The following SLC16A1 variants were observed in gnomAD, a reference collection of about 807,000 sequenced individuals.
The protein encoded by SLC16A1 is solute carrier family 16 member 1, also known as monocarboxylate transporter 1.
SLC16A1 carries 11 observed loss-of-function variants against 32.2 expected under a neutral mutation model. That is an observed-to-expected ratio of 0.34 (90% CI 0.21 to 0.56). The LOEUF is 0.56. Ranked by LOEUF, SLC16A1 falls within the 20% of genes least tolerant of loss-of-function variation. The pLI is 0.87. For missense variants in SLC16A1, 435 were observed against 615.0 expected, an observed-to-expected ratio of 0.71 and a Z score of 3.10; for synonymous variants, 231 against 226.8, an observed-to-expected ratio of 1.02 and a Z score of -0.17.
At position 112,946,642 on chromosome 1, in the gene SLC16A1, CCCTCGG is replaced by C. The variant is rs758195173; in HGVS notation, c.-45+9387_-45+9392del. ...TATCTCGGCTCACTGCAACCTCCGCCCCTCGGGCTCAAGCAATTCTCCTGCCTCAGC... is the reference window on the plus strand; with the variant it reads ...TATCTCGGCTCACTGCAACCTCCGCCGCTCAAGCAATTCTCCTGCCTCAGC... On this transcript the variant is annotated intron_variant, in intron 1 of 4. Coordinates refer to ENST00000369626, the MANE Select transcript of SLC16A1 (RefSeq NM_003051.4). Among the ~76,000 whole-genome samples the C allele has an allele frequency of 1.2e-4, 19 of 152,292 alleles. No individual in the cohort carries two copies. The East Asian group carries it at 3.5e-3, about 28-fold the overall frequency.
intron 1 of SLC16A1, among the ~76,000 whole-genome samples, chr1:112,946,531 A>G (rs1460047371): frequency 1.3e-5 from 2 of 152,132 alleles, no homozygotes; most frequent in Non-Finnish European, 2.9e-5. Flanking sequence ...AAGAAGCAGA[A>G]AAGTTTTTGT....
At position 112,917,824 on chromosome 1, in the gene SLC16A1, G is replaced by A; in HGVS notation, c.582C>T (p.Leu194=). ...TTGGCTTGGGCCCGATTGGTCGCAT[G>A]AGGGCTCCAGCAACACAGCAGTTTA... ...LLLNCCVAGA[L]MRPIGPKPTK... is the part of the protein sequence containing the mutation. Residue 194 remains leucine (L), a synonymous_variant, in exon 4 of 5, where the codon CTC becomes CTT. Coordinates refer to ENST00000369626, the MANE Select transcript of SLC16A1 (RefSeq NM_003051.4). This position sits in a 1 kb window ranked among gnomAD's most constrained non-coding sequence, Gnocchi z 4.1. 1 of 1,614,130 alleles carries A rather than the reference G, an allele frequency of 6.2e-7. No homozygotes were observed. Among genetic ancestry groups the A allele is most frequent in the Non-Finnish European group, 8.5e-7 (1 of 1,180,018 alleles).
intron 1 of SLC16A1, among the ~76,000 whole-genome samples, chr1:112,940,418 C>CA (rs1649469186): frequency 1.3e-5 from 2 of 151,874 alleles, no homozygotes; most frequent in African/African-American, 4.8e-5. Flanking sequence ...TTGAAGGATC[C>CA]AAAAAAACCA....
chr1:112,947,212 A>C (rs578238573), intron 1 of SLC16A1, among the ~76,000 whole-genome samples: 1 of 152,362 alleles, frequency 6.6e-6, no homozygotes, highest in South Asian at 2.1e-4. Context: ...TATATTCAAC[A>C]AATCGATATC....
At position 112,912,819 on chromosome 1, in the gene SLC16A1, C is replaced by CA. The variant is rs940312896; in HGVS notation, c.*1071dup. On this transcript the variant is annotated 3_prime_UTR_variant, in exon 5 of 5. Coordinates refer to ENST00000369626, the MANE Select transcript of SLC16A1 (RefSeq NM_003051.4). ...TTTGCAAACCTTAAAAAAAAAAAAA[C>CA]AAAAAAACAAAAACACCAAACACAC... The CA allele has an allele frequency of 2.1e-5, 3 of 142,972 alleles. No individual in the cohort carries two copies. Among genetic ancestry groups the CA allele is most frequent in the African/African-American group, 5.1e-5 (2 of 38,840 alleles). 8.9% of individuals were successfully genotyped at this position (142,972 alleles called of 1,614,324 possible).
chr1:112,953,239 G>T (rs1649960897), intron 1 of SLC16A1, among the ~76,000 whole-genome samples: 1 of 140,346 alleles, frequency 7.1e-6, no homozygotes, highest in Admixed American at 7.9e-5. Context: ...AGTTTTCATT[G>T]CAGCCTCCAC....
rs946188241 is a variant in SLC16A1 at position 112,912,853 on chromosome 1, C to T, written c.*1038G>A. On this transcript the variant is annotated 3_prime_UTR_variant, in exon 5 of 5. Coordinates refer to ENST00000369626, the MANE Select transcript of SLC16A1 (RefSeq NM_003051.4). ...AAAAACACCAAACACACACATATCT[C>T]ACACATAGCACTAAGCTAGAAGCAG... 1 of 150,882 alleles carries T rather than the reference C, an allele frequency of 6.6e-6. No individual in the cohort carries two copies. Among genetic ancestry groups the T allele is most frequent in the Admixed American group, 6.6e-5 (1 of 15,158 alleles). The allele number at this position is 150,882 out of a possible 1,614,324, so 9.3% of individuals were successfully genotyped here. A position where few individuals can be genotyped will look rare whatever the true frequency, so the allele number is the denominator to read the frequency against.
At chr1:112,943,506 G>A (rs1296392443) in intron 1 of SLC16A1, among the ~76,000 whole-genome samples, 3 of 152,064 alleles carry the variant, frequency 2.0e-5, no homozygotes, top group South Asian at 2.1e-4. Context: ...ATTGCAAACC[G>A]GCTGGGCGCA....
intron 1 of SLC16A1, among the ~76,000 whole-genome samples, chr1:112,936,746 GAAAAGA>G (rs1024499769): frequency 1.3e-5 from 2 of 152,038 alleles, no homozygotes; most frequent in African/African-American, 4.8e-5. Flanking sequence ...ACTCAAGTTG[GAAAAGA>G]AAAAGTAGAG....
chr1:112,953,701 C>G (rs1203190704), intron 1 of SLC16A1, among the ~76,000 whole-genome samples: 1 of 152,144 alleles, frequency 6.6e-6, no homozygotes, highest in African/African-American at 2.4e-5. Flanking sequence ...ACACCCTGTA[C>G]TCTTGAGTGT....
intron 1 of SLC16A1, among the ~76,000 whole-genome samples, chr1:112,945,707 T>A (rs1649678763): frequency 6.7e-6 from 1 of 148,732 alleles, no homozygotes; most frequent in Non-Finnish European, 1.5e-5. Flanking sequence ...AATTACCTAC[T>A]GTTGTCCAGG....
intron 1 of SLC16A1, among the ~76,000 whole-genome samples, chr1:112,952,533 T>C (rs1649931568): frequency 6.6e-6 from 1 of 152,212 alleles, no homozygotes; most frequent in African/African-American, 2.4e-5. Flanking sequence ...TGTTAATTTT[T>C]AAAGGTAGGG....
At chr1:112,931,527 T>G (rs1343264441) in intron 1 of SLC16A1, among the ~76,000 whole-genome samples, 1 of 150,052 alleles carries the variant, frequency 6.7e-6, no homozygotes, top group African/African-American at 2.5e-5. Context: ...GCGACTGTAG[T>G]CCCAACTACT....
rs201371933 is a variant in SLC16A1 at position 112,928,537 on chromosome 1, C to CA, written c.217+554dup. Reference sequence around the variant, plus strand: ...TTCCAACATTTCCTTTACAATATGCCAAAAAAAACAAAAGAGAAATAAATG... The same window carrying CA: ...TTCCAACATTTCCTTTACAATATGCCAAAAAAAAACAAAAGAGAAATAAATG... On this transcript the variant is annotated intron_variant, in intron 2 of 4. Transcript: ENST00000369626. Among the ~76,000 whole-genome samples, 560 of 150,988 alleles carry CA rather than the reference C, an allele frequency of 3.7e-3. 5 individuals carry two copies. Among genetic ancestry groups the CA allele is most frequent in the South Asian group, 0.027 (130 of 4,754 alleles).
intron 1 of SLC16A1, among the ~76,000 whole-genome samples, chr1:112,953,697 TG>T (rs1247123843): frequency 6.6e-6 from 1 of 152,212 alleles, no homozygotes; most frequent in Non-Finnish European, 1.5e-5. Flanking sequence ...CATTACACCC[TG>T]TACTCTTGAG....
intron 1 of SLC16A1, among the ~76,000 whole-genome samples, chr1:112,941,431 T>G (rs1172011351): frequency 6.6e-6 from 1 of 151,774 alleles, no homozygotes. Context: ...ACAGGCATGC[T>G]GCCACCACAC....
At chr1:112,923,728 C>A (rs1648825384) in intron 2 of SLC16A1, 3 of 1,534,632 alleles carry the variant, frequency 2.0e-6, no homozygotes, top group African/African-American at 2.7e-5. Context: ...ACACTGAGTG[C>A]CTGCCACCAG....
intron 1 of SLC16A1, among the ~76,000 whole-genome samples, chr1:112,954,366 C>G (rs1414682669): frequency 2.0e-5 from 3 of 152,182 alleles, no homozygotes; most frequent in African/African-American, 4.8e-5. Flanking sequence ...ATAGTTCCCA[C>G]CAAACCATAA....
At chr1:112,933,770 A>T (rs1649215628) in intron 1 of SLC16A1, among the ~76,000 whole-genome samples, 1 of 152,224 alleles carries the variant, frequency 6.6e-6, no homozygotes, top group Non-Finnish European at 1.5e-5. Flanking sequence ...AAGCCAATGG[A>T]ACTCTCATAT....
Sources: allele counts gnomAD v4.1 joint callset (sites outside exome capture counted in the v4.1 genomes callset), GRCh38; gene constraint gnomAD v4.1.1; non-coding constraint Gnocchi (gnomAD v3.1); transcripts MANE v1.5; gene names NCBI Gene and HGNC (gene_info 2026-07-23, HGNC 2026-07-21).